The following EPB41L4A variants were observed in gnomAD, a reference collection of about 807,000 sequenced individuals.
The protein encoded by EPB41L4A is erythrocyte membrane protein band 4.1 like 4A, also known as band 4.1-like protein 4A.
EPB41L4A carries 100 observed loss-of-function variants against 108.6 expected under a neutral mutation model. The ratio of observed to expected loss-of-function variants is 0.92; its 90% CI spans 0.78 to 1.09. The LOEUF is 1.09. Among genes scored for constraint, EPB41L4A ranks in the 50% least tolerant of loss-of-function variants. The pLI is 0.00. For synonymous variants in EPB41L4A, 319 were observed against 289.0 expected, an observed-to-expected ratio of 1.10 and a Z score of -1.05; for missense variants, 1,030 against 842.7, an observed-to-expected ratio of 1.22 and a Z score of -2.75.
chr5:112,156,498 G>A (rs1189329109), intron 12 of EPB41L4A, among the ~76,000 whole-genome samples: 1 of 152,102 alleles, frequency 6.6e-6, no homozygotes, highest in African/African-American at 2.4e-5. Flanking sequence ...TCTTTATCCC[G>A]TTTTTTGTTC....
At chr5:112,266,407 G>A (rs1751861184) in intron 4 of EPB41L4A, 77 bp from the exon 5 acceptor site, 1 of 950,284 alleles carries the variant, frequency 1.1e-6, no homozygotes, top group Admixed American at 2.8e-5. Context: ...TGATAATCAA[G>A]GTTAACAACC....
chr5:112,411,006 G>C lies in EPB41L4A; in HGVS notation c.99+7935C>G, dbSNP rs535408297. Among the ~76,000 whole-genome samples the C allele has an allele frequency of 1.2e-3, 177 of 152,236 alleles. 1 individual carries two copies. The highest frequency in any genetic ancestry group is 4.0e-3 in the South Asian group (19 of 4,804). ...CCCTGAACCTCCTTTCCTTGCCCCTGGATTCCCTGATAGGTGAGCTAATAA... is the reference window on the plus strand; with the variant it reads ...CCCTGAACCTCCTTTCCTTGCCCCTCGATTCCCTGATAGGTGAGCTAATAA... On this transcript the variant is annotated intron_variant, in intron 1 of 22. Coordinates refer to ENST00000261486, the MANE Select transcript of EPB41L4A (RefSeq NM_022140.5).
At chr5:112,347,765 C>G (rs1393589123) in intron 1 of EPB41L4A, among the ~76,000 whole-genome samples, 7 of 152,194 alleles carry the variant, frequency 4.6e-5, no homozygotes, top group Admixed American at 2.6e-4. Context: ...AGCACCTGAG[C>G]AGCCACAGTA....
intron 1 of EPB41L4A, among the ~76,000 whole-genome samples, chr5:112,380,470 T>C (rs1760097252): frequency 6.6e-6 from 1 of 152,108 alleles, no homozygotes; most frequent in South Asian, 2.1e-4. Flanking sequence ...TAAAGATAGA[T>C]AGGAATTGAC....
intron 1 of EPB41L4A, among the ~76,000 whole-genome samples, chr5:112,335,013 G>A (rs12653972): frequency 0.45 from 67,781 of 151,852 alleles, 16,460 homozygotes; most frequent in South Asian, 0.6. Context: ...GCCTCACCCC[G>A]AAAGTCATGT....
intron 2 of EPB41L4A, among the ~76,000 whole-genome samples, chr5:112,303,560 A>G (rs986676775): frequency 6.6e-6 from 1 of 152,202 alleles, no homozygotes; most frequent in African/African-American, 2.4e-5. Flanking sequence ...AGGAATAACT[A>G]GAGAAAACAT....
chr5:112,309,312 C>CAT (rs1754895752), intron 1 of EPB41L4A, among the ~76,000 whole-genome samples: 1 of 152,116 alleles, frequency 6.6e-6, no homozygotes, highest in African/African-American at 2.4e-5. Flanking sequence ...GTTTGATATC[C>CAT]ATCTTTCTTT....
At chr5:112,230,756 T>C (rs567892519) in intron 12 of EPB41L4A, among the ~76,000 whole-genome samples, 15 of 152,320 alleles carry the variant, frequency 9.8e-5, no homozygotes, top group African/African-American at 3.4e-4. Context: ...ATTTTTGTTT[T>C]TGTTGCATTT....
chr5:112,286,343 T>C (rs1753277341), intron 2 of EPB41L4A, among the ~76,000 whole-genome samples: 1 of 152,166 alleles, frequency 6.6e-6, no homozygotes, highest in African/African-American at 2.4e-5. Flanking sequence ...GAGGCTCACA[T>C]TGCACAACCA....
At chr5:112,176,915 C>A (rs1760897990) in intron 18 of EPB41L4A, among the ~76,000 whole-genome samples, 1 of 151,768 alleles carries the variant, frequency 6.6e-6, no homozygotes, top group South Asian at 2.1e-4. Flanking sequence ...CCACCACACC[C>A]AGCTAATTTT....
At chr5:112,260,335 G>A (rs1431767471) in intron 7 of EPB41L4A, among the ~76,000 whole-genome samples, 1 of 152,146 alleles carries the variant, frequency 6.6e-6, no homozygotes, top group Admixed American at 6.5e-5. Context: ...TGATGCCTGG[G>A]CACTACCAGA....
chr5:112,228,513 G>GC (rs1440774405), intron 12 of EPB41L4A, among the ~76,000 whole-genome samples: 4 of 152,216 alleles, frequency 2.6e-5, no homozygotes, highest in African/African-American at 9.7e-5. Flanking sequence ...AGATTATGCT[G>GC]CAAGTATTTG....
intron 1 of EPB41L4A, among the ~76,000 whole-genome samples, chr5:112,393,663 AAGG>A (rs374339479): frequency 0.012 from 1,772 of 152,344 alleles, 26 homozygotes; most frequent in South Asian, 0.038. Context: ...CCAGAGGTAC[AAGG>A]AGGAGCTGGT....
chr5:112,373,096 C>A (rs1759594492), intron 1 of EPB41L4A, among the ~76,000 whole-genome samples: 1 of 152,134 alleles, frequency 6.6e-6, no homozygotes, highest in African/African-American at 2.4e-5. Context: ...AATACAGATC[C>A]CCACACTGCA....
intron 1 of EPB41L4A, among the ~76,000 whole-genome samples, chr5:112,309,639 G>C (rs1303295600): frequency 6.6e-6 from 1 of 152,090 alleles, no homozygotes; most frequent in African/African-American, 2.4e-5. Context: ...CTGACCTCTG[G>C]AATCTGCATG....
intron 9 of EPB41L4A, among the ~76,000 whole-genome samples, chr5:112,250,402 T>C (rs917065293): frequency 6.6e-6 from 1 of 152,204 alleles, no homozygotes; most frequent in Admixed American, 6.5e-5. Flanking sequence ...TTTTCTGTGA[T>C]AGTTTTCTAT....
chr5:112,175,734 G>A (rs113154533), intron 18 of EPB41L4A, among the ~76,000 whole-genome samples: 1 of 129,584 alleles, frequency 7.7e-6, no homozygotes, highest in African/African-American at 2.7e-5. Flanking sequence ...GTGTGTGTGT[G>A]TGTATATGTA....
chr5:112,288,576 CAT>C (rs796203229), intron 2 of EPB41L4A, among the ~76,000 whole-genome samples: 6 of 152,322 alleles, frequency 3.9e-5, no homozygotes, highest in Non-Finnish European at 4.4e-5. Flanking sequence ...GAAATCACCA[CAT>C]GTGTCTGGCT....
chr5:112,334,325 G>T (rs4635976), intron 1 of EPB41L4A, among the ~76,000 whole-genome samples: 79,696 of 151,898 alleles, frequency 0.52, 21,943 homozygotes, highest in Middle Eastern at 0.64. Flanking sequence ...TCTCTTGTGG[G>T]GGAAATTTAC....
Sources: gnomAD v4.1 joint callset for allele counts (sites outside exome capture counted in the v4.1 genomes callset) on GRCh38, gnomAD v4.1.1 for gene constraint, MANE v1.5 for transcripts, NCBI Gene and HGNC (gene_info 2026-07-23, HGNC 2026-07-21) for gene names.